The following COLQ variants were observed in gnomAD, a reference collection of about 807,000 sequenced individuals.
COLQ encodes the protein acetylcholinesterase collagenic tail peptide.
In COLQ, 48 loss-of-function variants were observed where a neutral mutation model predicts 69.0. That is an observed-to-expected ratio of 0.70 (90% CI 0.55 to 0.88). The LOEUF is 0.88. COLQ is among the 40% of genes least tolerant of loss of function. COLQ has a pLI of 0.00. For missense variants in COLQ, 618 were observed against 594.6 expected, an observed-to-expected ratio of 1.04 and a Z score of -0.41; for synonymous variants, 217 against 211.2, an observed-to-expected ratio of 1.03 and a Z score of -0.24.
At chr3:15,500,388 T>C (rs2062814559) in intron 1 of COLQ, among the ~76,000 whole-genome samples, 1 of 152,320 alleles carries the variant, frequency 6.6e-6, no homozygotes, top group African/African-American at 2.4e-5. Context: ...TTTTCAAATT[T>C]CATTTCGCAA....
At chr3:15,475,564 T>G (rs1309108471) in intron 6 of COLQ, 77 bp from the exon 7 acceptor site, 5 of 1,396,008 alleles carry the variant, frequency 3.6e-6, no homozygotes, top group Non-Finnish European at 5.0e-6. Context: ...CAGGCAAGAT[T>G]GGGAAGGAAC....
At chr3:15,456,127 G>A in intron 14 of COLQ, 108 bp from the exon 15 acceptor site, 3 of 1,308,888 alleles carry the variant, frequency 2.3e-6, no homozygotes, top group Non-Finnish European at 3.2e-6. Context: ...GGCATGCCTT[G>A]ACTTCCTCCC....
At chr3:15,475,096 C>T (rs2062357261) in intron 7 of COLQ, 145 bp from the exon 8 acceptor site, 1 of 872,942 alleles carries the variant, frequency 1.1e-6, no homozygotes, top group African/African-American at 1.6e-5. Flanking sequence ...GCACCAAACA[C>T]AAAGATGTCC....
At position 15,479,325 on chromosome 3, in the gene COLQ, T is replaced by A; in HGVS notation, c.366+13A>T. ...CCAAGGAAAGAAGGGTTGAAGAAAGTAGTGGTCCATACCTTTTCTCCCTTT... is the reference window on the plus strand; with the variant it reads ...CCAAGGAAAGAAGGGTTGAAGAAAGAAGTGGTCCATACCTTTTCTCCCTTT... On this transcript the variant is annotated intron_variant, in intron 4 of 16. Coordinates refer to ENST00000383788, the MANE Select transcript of COLQ (RefSeq NM_005677.4). The A allele has an allele frequency of 6.2e-7, 1 of 1,613,336 alleles. No individual in the cohort carries two copies. The highest frequency in any genetic ancestry group is 2.2e-5 in the East Asian group (1 of 44,880).
intron 12 of COLQ, among the ~76,000 whole-genome samples, chr3:15,462,412 A>T (rs1460929591): frequency 6.6e-6 from 1 of 151,940 alleles, no homozygotes; most frequent in Non-Finnish European, 1.5e-5. Context: ...TTATTGCCCC[A>T]TCTTCTCTTT....
intron 2 of COLQ, 125 bp downstream of exon 2, chr3:15,489,400 G>A (rs1204274577): frequency 9.4e-6 from 8 of 854,574 alleles, no homozygotes; most frequent in Non-Finnish European, 1.6e-5. Context: ...TGACAGTGGA[G>A]GGTTGAGGCT....
intron 10 of COLQ, among the ~76,000 whole-genome samples, chr3:15,471,083 GT>G (rs2062278965): frequency 6.6e-6 from 1 of 152,194 alleles, no homozygotes; most frequent in African/African-American, 2.4e-5. Context: ...ATTGGACACT[GT>G]TTTGCCAGCT....
chr3:15,470,228 C>T (rs1463090831), intron 11 of COLQ, among the ~76,000 whole-genome samples: 1 of 152,180 alleles, frequency 6.6e-6, no homozygotes, highest in Non-Finnish European at 1.5e-5. Flanking sequence ...GGTAAATGAC[C>T]ATATCTGCCT....
chr3:15,501,778 T>A (rs775642884), intron 1 of COLQ, among the ~76,000 whole-genome samples: 1 of 152,220 alleles, frequency 6.6e-6, no homozygotes, highest in Non-Finnish European at 1.5e-5. Context: ...AGAATCCTGT[T>A]AAGTTGTTTC....
intron 1 of COLQ, among the ~76,000 whole-genome samples, chr3:15,500,306 G>A (rs2062813522): frequency 1.3e-5 from 2 of 152,202 alleles, no homozygotes; most frequent in African/African-American, 4.8e-5. Flanking sequence ...GAGTCCTAGA[G>A]AGTTGCAGAA....
intron 13 of COLQ, 108 bp downstream of exon 13, chr3:15,458,078 G>C: frequency 2.4e-6 from 3 of 1,231,964 alleles, no homozygotes; most frequent in Non-Finnish European, 2.4e-6. Flanking sequence ...TGTACTCAGA[G>C]TCGTGAAAAA....
chr3:15,519,734 G>A (rs1220082953), intron 1 of COLQ, among the ~76,000 whole-genome samples: 1 of 152,148 alleles, frequency 6.6e-6, no homozygotes, highest in Non-Finnish European at 1.5e-5. Flanking sequence ...TCTATGTTGT[G>A]CCAGGGTGCT....
At chr3:15,496,788 C>G (rs1240059990) in intron 1 of COLQ, among the ~76,000 whole-genome samples, 2 of 152,324 alleles carry the variant, frequency 1.3e-5, no homozygotes, top group South Asian at 4.1e-4. Context: ...TGGTTTTGCC[C>G]TTTGGACTCA....
rs1297066860 is a variant in COLQ, at chr3:15,453,903, A to G, written c.1224T>C (p.Gly408=). Residue 408 remains glycine (G), a synonymous_variant, in exon 16 of 17, where the codon GGT becomes GGC. Transcript: ENST00000383788. ...IRCHRAYCGD[G]HRHEGVEDCD... ...AGTCCTCCACACCCTCATGCCGGTG[A>G]CCATCTCCACAGTAGGCACGGTGAC... The G allele has an allele frequency of 5.0e-6, 8 of 1,610,916 alleles. No homozygotes were observed. Among genetic ancestry groups the G allele is most frequent in the African/African-American group, 1.3e-5 (1 of 74,802 alleles).
chr3:15,453,783 G>A (rs1274061905), intron 16 of COLQ, 46 bp downstream of exon 16: 1 of 1,231,014 alleles, frequency 8.1e-7, no homozygotes, highest in Non-Finnish European at 1.2e-6. Context: ...CAAAGAGGAG[G>A]GAGGGAGAAA....
intron 1 of COLQ, chr3:15,498,529 T>TA: frequency 6.4e-7 from 1 of 1,551,184 alleles, no homozygotes; most frequent in Non-Finnish European, 8.7e-7. Context: ...GCCTGCCGAG[T>TA]AACAGAGCAG....
chr3:15,471,080 A>G (rs1013230000), intron 10 of COLQ, among the ~76,000 whole-genome samples: 1 of 152,254 alleles, frequency 6.6e-6, no homozygotes, highest in South Asian at 2.1e-4. Context: ...ATGATTGGAC[A>G]CTGTTTTGCC....
rs1415140898 is a variant in COLQ, at chr3:15,451,732, C to T, written c.1299-19G>A. On this transcript the variant is annotated intron_variant, in intron 16 of 16. Transcript: ENST00000383788. ...ATATGACCTGAGGGAGGCAAAGACACGTTCTAAAAGGCCACCTCTTATATG... is the reference window on the plus strand; with the variant it reads ...ATATGACCTGAGGGAGGCAAAGACATGTTCTAAAAGGCCACCTCTTATATG... 6.2e-6 allele frequency: 10 copies of T among 1,611,086 alleles called. No individual in the cohort carries two copies. The highest frequency in any genetic ancestry group is 5.3e-5 in the African/African-American group (4 of 74,864).
At chr3:15,489,076 C>T (rs2062622220) in intron 2 of COLQ, among the ~76,000 whole-genome samples, 2 of 152,226 alleles carry the variant, frequency 1.3e-5, no homozygotes, top group Non-Finnish European at 2.9e-5. Context: ...TCTCACACCT[C>T]AGTGTGGCTA....
Sources: allele counts gnomAD v4.1 joint callset (sites outside exome capture counted in the v4.1 genomes callset), GRCh38; gene constraint gnomAD v4.1.1; transcripts MANE v1.5; gene names NCBI Gene and HGNC (gene_info 2026-07-23, HGNC 2026-07-21).